Variants in GDF5 observed in about 807,000 individuals in gnomAD.
The protein encoded by GDF5 is growth/differentiation factor 5.
Under a neutral mutation model 34.6 loss-of-function variants are expected in GDF5, and 17 were observed. The ratio of observed to expected loss-of-function variants is 0.49; its 90% CI spans 0.34 to 0.74. The LOEUF is 0.74. GDF5 is among the 30% of genes least tolerant of loss of function. The pLI, the probability that GDF5 is intolerant of heterozygous loss-of-function variation, is 0.01. For synonymous variants in GDF5, 332 were observed against 290.7 expected (o/e 1.14, Z -1.44); for missense variants, 616 against 661.2 (o/e 0.93, Z 0.75).
chr20:35,439,429 A>G (rs369177538), upstream of GDF5, among the ~76,000 whole-genome samples: 155 of 152,062 alleles, frequency 1.0e-3, no homozygotes, highest in African/African-American at 1.8e-3. Flanking sequence ...GGGTTTCACC[A>G]TGTTAGCCAG....
rs1270909636 is a variant in GDF5, at chr20:35,433,751, C to CCAA, written c.*155_*157dup. 2.7e-6 allele frequency: 2 copies of CCAA among 751,506 alleles called. No individual in the cohort carries two copies. The highest frequency in any genetic ancestry group is 4.7e-6 in the Non-Finnish European group (2 of 421,888). The allele number at this position is 751,506 out of a possible 1,614,324, so 46.6% of individuals were successfully genotyped here. On this transcript the variant is annotated 3_prime_UTR_variant, in exon 2 of 2. Transcript: ENST00000374369. Reference sequence around the variant, plus strand: ...TTGTGGATAAAAGGGGGCCTTTAGCCCAAGTCACACTCAGAGAGCGAGCAA... The same window carrying CCAA: ...TTGTGGATAAAAGGGGGCCTTTAGCCCAACAAGTCACACTCAGAGAGCGAGCAA...
intron 1 of GDF5, among the ~76,000 whole-genome samples, chr20:35,435,854 G>C (rs544540371): frequency 6.6e-6 from 1 of 152,096 alleles, no homozygotes; most frequent in Non-Finnish European, 1.5e-5. Flanking sequence ...TAAATGATTG[G>C]GCTTGTGTGA....
upstream of GDF5, among the ~76,000 whole-genome samples, chr20:35,442,734 G>A (rs1171283328): frequency 1.4e-5 from 2 of 147,724 alleles, no homozygotes; most frequent in Non-Finnish European, 3.0e-5. Context: ...TTGTGGAGAC[G>A]GGGGTTTCAC....
In GDF5 at chr20:35,434,443, G is replaced by A; in HGVS notation, c.972C>T (p.Leu324=). The A allele has an allele frequency of 6.2e-7, 1 of 1,613,342 alleles. No individual in the cohort carries two copies. The highest frequency in any genetic ancestry group is 1.1e-5 in the South Asian group (1 of 91,060). The change falls in exon 2 of 2, where the codon CTC becomes CTT. Residue 324 remains leucine, a synonymous_variant. Transcript: ENST00000374369. ...EAWERGRAVD[L]RGLGFDRAAR... ...CGGCGCGGTCGAAGCCCAGGCCACGGAGGTCCACGGCCCTGCCCCGTTCCC... is the reference window on the plus strand; with the variant it reads ...CGGCGCGGTCGAAGCCCAGGCCACGAAGGTCCACGGCCCTGCCCCGTTCCC...
chr20:35,451,051 A>ATAT (rs1483469021), intron 1 of GDF5, among the ~76,000 whole-genome samples: 1 of 38,658 alleles, frequency 2.6e-5, no homozygotes, highest in South Asian at 9.8e-4. Context: ...AGAAAAAAAA[A>ATAT]AAAAAAAAAA....
At position 35,437,826 on chromosome 20, in the gene GDF5, G is replaced by T. The variant is rs889039427; in HGVS notation, c.103C>A (p.Pro35Thr). ...VLGAPDLGQRPQGTRPGLAKA... is the reference protein window; with the variant it reads ...VLGAPDLGQRTQGTRPGLAKA... ...GCCAATCCTGGCCTGGTCCCCTGGG[G>T]TCTCTGGCCCAAGTCAGGGGCACCC... Residue 35 changes from proline (P) to threonine (T), a missense_variant, in exon 1 of 2, where the codon CCC (proline) becomes ACC (threonine). Coordinates refer to ENST00000374369, the MANE Select transcript of GDF5 (RefSeq NM_000557.5). 1 of 1,613,802 alleles carries T rather than the reference G, an allele frequency of 6.2e-7. No individual in the cohort carries two copies. The highest frequency in any genetic ancestry group is 1.7e-5 in the Admixed American group (1 of 59,958).
chr20:35,453,614 C>A (rs1413237769), intron 1 of GDF5, among the ~76,000 whole-genome samples: 3 of 152,202 alleles, frequency 2.0e-5, no homozygotes, highest in Admixed American at 2.0e-4. Flanking sequence ...TGTTCCTTTT[C>A]CCCTCTCTAG....
chr20:35,445,893 C>T (rs1315126923), intron 1 of GDF5, among the ~76,000 whole-genome samples: 1 of 151,874 alleles, frequency 6.6e-6, no homozygotes, highest in Non-Finnish European at 1.5e-5. Flanking sequence ...TGCTTGAACC[C>T]GGGAGGCGGA....
At chr20:35,451,092 T>TATATATATATATATATACAC (rs1555824851) in intron 1 of GDF5, among the ~76,000 whole-genome samples, 4 of 133,514 alleles carry the variant, frequency 3.0e-5, no homozygotes, top group Non-Finnish European at 5.0e-5. Context: ...TATATATATA[T>TATATATATATATATATACAC]ACACAAATAT....
At chr20:35,445,947 C>G (rs903951527) in intron 1 of GDF5, among the ~76,000 whole-genome samples, 1 of 150,704 alleles carries the variant, frequency 6.6e-6, no homozygotes, top group African/African-American at 2.4e-5. Context: ...CCAGCGTGGG[C>G]AACAAGAGCA....
chr20:35,449,921 T>C (rs899474099), intron 1 of GDF5, among the ~76,000 whole-genome samples: 2 of 150,846 alleles, frequency 1.3e-5, no homozygotes, highest in African/African-American at 4.9e-5. Flanking sequence ...CCCAGGAGAT[T>C]GAAGCTGCAG....
chr20:35,449,589 G>C (rs2062524276), intron 1 of GDF5, among the ~76,000 whole-genome samples: 2 of 152,190 alleles, frequency 1.3e-5, no homozygotes, highest in Non-Finnish European at 2.9e-5. Flanking sequence ...GTGAACAGAG[G>C]CTCTGGACAG....
chr20:35,451,613 C>A (rs1355566724), intron 1 of GDF5, among the ~76,000 whole-genome samples: 2 of 145,648 alleles, frequency 1.4e-5, no homozygotes, highest in Non-Finnish European at 3.0e-5. Flanking sequence ...CAGGGTCTTA[C>A]TCCTGTCACC....
rs1385794613 is a variant in GDF5, at chr20:35,444,846, G to A, written c.-397-3459C>T. On this transcript the variant is annotated intron_variant, in intron 1 of 3. Coordinates refer to the GDF5 transcript ENST00000374372. ...CTGACCTCCTGATCTGCCCACCTAG[G>A]CCTCCCAAAGTGCTGGGATTACAGG... 3.9e-5 allele frequency among the ~76,000 whole-genome samples: 6 copies of A among 152,214 alleles called. No individual in the cohort carries two copies. The East Asian group carries it at 1.2e-3, about 29-fold the overall frequency.
chr20:35,453,020 C>T (rs1037690658), intron 1 of GDF5, among the ~76,000 whole-genome samples: 8 of 152,012 alleles, frequency 5.3e-5, no homozygotes, highest in Non-Finnish European at 7.4e-5. Context: ...GAGGCTGAGG[C>T]GGGCGGATCA....
chr20:35,439,499 T>C (rs1255093562), upstream of GDF5, among the ~76,000 whole-genome samples: 1 of 152,118 alleles, frequency 6.6e-6, no homozygotes, highest in South Asian at 2.1e-4. Flanking sequence ...AGTGCTGGGA[T>C]TACAGGCGTG....
At chr20:35,434,919 C>T in intron 1 of GDF5, 136 bp from the exon 2 acceptor site, 1 of 947,192 alleles carries the variant, frequency 1.1e-6, no homozygotes, top group Non-Finnish European at 1.7e-6. Flanking sequence ...TGACAGAAGC[C>T]AAGAGCCAAA....
At position 35,433,679 on chromosome 20, in the gene GDF5, C is replaced by A; in HGVS notation, c.*230G>T. 1 of 602,900 alleles carries A rather than the reference C, an allele frequency of 1.7e-6. No individual in the cohort carries two copies. Among genetic ancestry groups the A allele is most frequent in the East Asian group, 3.0e-5 (1 of 33,352 alleles). 37.3% of individuals were successfully genotyped at this position (602,900 alleles called of 1,614,324 possible). ...GTCTGTCTCCCTGGACCTGTGCCTG[C>A]CACTGGTCACATCAGCAGACGGGCA... is the stretch of plus-strand genomic sequence containing the variant. On this transcript the variant is annotated 3_prime_UTR_variant, in exon 2 of 2. Coordinates refer to ENST00000374369, the MANE Select transcript of GDF5 (RefSeq NM_000557.5).
At chr20:35,445,246 C>T (rs755603500) in intron 1 of GDF5, among the ~76,000 whole-genome samples, 23 of 152,222 alleles carry the variant, frequency 1.5e-4, no homozygotes, top group South Asian at 6.2e-4. Flanking sequence ...CTGGGCAAAC[C>T]GGTAAAAACA....
Sources: gnomAD v4.1 joint callset for allele counts (sites outside exome capture counted in the v4.1 genomes callset) on GRCh38, gnomAD v4.1.1 for gene constraint, MANE v1.5 for transcripts, NCBI Gene and HGNC (gene_info 2026-07-23, HGNC 2026-07-21) for gene names.